NEDD4: variants seen among roughly 807,000 people sequenced by gnomAD.
The protein encoded by NEDD4 is E3 ubiquitin-protein ligase NEDD4.
NEDD4 carries 99 observed loss-of-function variants against 144.9 expected under a neutral mutation model. That is an observed-to-expected ratio of 0.68 (90% CI 0.58 to 0.81). The LOEUF (loss-of-function observed/expected upper bound fraction) is 0.81. Among genes scored for constraint, NEDD4 ranks in the 30% least tolerant of loss-of-function variants. NEDD4 has a pLI of 0.00. For synonymous variants in NEDD4, 318 were observed against 350.6 expected (o/e 0.91, Z 1.04); for missense variants, 985 against 1,065.9 (o/e 0.92, Z 1.06).
chr15:55,905,036 G>A (rs1417849315), intron 5 of NEDD4, among the ~76,000 whole-genome samples: 2 of 150,566 alleles, frequency 1.3e-5, no homozygotes. Flanking sequence ...AGGCTGCAGT[G>A]AGCCGAGATC....
At chr15:55,969,017 A>G (rs2037563573) in intron 1 of NEDD4, among the ~76,000 whole-genome samples, 1 of 152,188 alleles carries the variant, frequency 6.6e-6, no homozygotes, top group South Asian at 2.1e-4. Flanking sequence ...CGTATCAAGG[A>G]AAGAGGCACT....
chr15:55,862,314 G>T (rs927213350), intron 9 of NEDD4, among the ~76,000 whole-genome samples: 13 of 152,046 alleles, frequency 8.6e-5, no homozygotes, highest in Admixed American at 4.6e-4. Flanking sequence ...AATGGAAGGG[G>T]ATTTGAGAAT....
intron 4 of NEDD4, among the ~76,000 whole-genome samples, chr15:55,938,800 C>A (rs1479195821): frequency 6.6e-6 from 1 of 151,694 alleles, no homozygotes; most frequent in Non-Finnish European, 1.5e-5. Context: ...TCAACAACAA[C>A]AACAATAACA....
chr15:55,906,567 G>A (rs1458902806), intron 5 of NEDD4, among the ~76,000 whole-genome samples: 2 of 151,358 alleles, frequency 1.3e-5, no homozygotes, highest in African/African-American at 2.4e-5. Flanking sequence ...TCACTCATAG[G>A]TGGGAACTGA....
intron 5 of NEDD4, among the ~76,000 whole-genome samples, chr15:55,890,188 TA>T (rs1393134321): frequency 2.6e-5 from 4 of 152,198 alleles, no homozygotes; most frequent in South Asian, 2.1e-4. Flanking sequence ...AAATTAAAAA[TA>T]AAAAAAGCTT....
intron 2 of NEDD4, among the ~76,000 whole-genome samples, chr15:55,954,460 C>A (rs1340635471): frequency 6.6e-6 from 1 of 152,068 alleles, no homozygotes; most frequent in East Asian, 1.9e-4. Context: ...ATGTATCTAT[C>A]CCTAATCTCA....
chr15:55,893,212 A>C (rs1168338787), intron 5 of NEDD4, among the ~76,000 whole-genome samples: 1 of 152,120 alleles, frequency 6.6e-6, no homozygotes, highest in Non-Finnish European at 1.5e-5. Context: ...TTGTATTAGT[A>C]TCTTAATCAT....
intron 12 of NEDD4, 145 bp downstream of exon 12, chr15:55,855,986 T>C (rs2034177979): frequency 4.6e-6 from 3 of 648,692 alleles, no homozygotes; most frequent in Non-Finnish European, 8.0e-6. Context: ...TTTAAGCCCC[T>C]TCCCTGAACA....
chr15:55,908,168 G>T (rs2036160924), intron 5 of NEDD4, among the ~76,000 whole-genome samples: 1 of 152,022 alleles, frequency 6.6e-6, no homozygotes, highest in African/African-American at 2.4e-5. Context: ...CATTCCAAAG[G>T]GTCCCTGGCT....
chr15:55,894,436 G>T (rs1368968343), intron 5 of NEDD4, among the ~76,000 whole-genome samples: 3 of 151,986 alleles, frequency 2.0e-5, no homozygotes, highest in African/African-American at 7.2e-5. Context: ...GTGTCTGTGG[G>T]GTCCTGGAAC....
intron 5 of NEDD4, chr15:55,916,124 A>G (rs1237676890): frequency 1.9e-6 from 3 of 1,614,002 alleles, no homozygotes; most frequent in East Asian, 2.2e-5. Context: ...CATCCTGGAC[A>G]AAAGGATCTG....
At chr15:55,973,229 T>G (rs2142341643) in intron 1 of NEDD4, among the ~76,000 whole-genome samples, 2 of 152,314 alleles carry the variant, frequency 1.3e-5, no homozygotes, top group Admixed American at 1.3e-4. Flanking sequence ...AACCACATGT[T>G]AGCCACAAAA....
intron 5 of NEDD4, among the ~76,000 whole-genome samples, chr15:55,909,311 G>C (rs547375305): frequency 6.6e-6 from 1 of 152,220 alleles, no homozygotes; most frequent in Non-Finnish European, 1.5e-5. Flanking sequence ...TTCAATCTTA[G>C]TGTGGGTAAA....
chr15:55,926,506 A>C (rs2036668080), intron 4 of NEDD4, among the ~76,000 whole-genome samples: 2 of 152,290 alleles, frequency 1.3e-5, no homozygotes, highest in South Asian at 4.1e-4. Flanking sequence ...GTGCTGGTTC[A>C]CACCTGTCAT....
chr15:55,990,970 C>G (rs1403726066), intron 1 of NEDD4, among the ~76,000 whole-genome samples: 1 of 152,178 alleles, frequency 6.6e-6, no homozygotes, highest in African/African-American at 2.4e-5. Context: ...GGAAGAAGAG[C>G]CAAAACTCAC....
At chr15:55,884,528 G>T (rs2035318528) in intron 5 of NEDD4, among the ~76,000 whole-genome samples, 1 of 151,908 alleles carries the variant, frequency 6.6e-6, no homozygotes, top group Non-Finnish European at 1.5e-5. Flanking sequence ...GTTGTTTTGA[G>T]GAAACTCAAT....
intron 5 of NEDD4, among the ~76,000 whole-genome samples, chr15:55,900,171 G>A (rs1314406503): frequency 6.6e-6 from 1 of 152,052 alleles, no homozygotes; most frequent in African/African-American, 2.4e-5. Context: ...AGGAAAGGAG[G>A]AGGAACCAGA....
At chr15:55,915,340 T>G in intron 5 of NEDD4, 1 of 1,611,134 alleles carries the variant, frequency 6.2e-7, no homozygotes, top group South Asian at 1.1e-5. Context: ...CTTGATAAAT[T>G]ATCCACTTTA....
chr15:55,915,770 A>G (rs755463962), intron 5 of NEDD4: 42 of 1,613,552 alleles, frequency 2.6e-5, no homozygotes, highest in Non-Finnish European at 3.5e-5. Context: ...TCGAAAGAAC[A>G]ATTTTCTTCT....
Sources: gnomAD v4.1 joint callset for allele counts (sites outside exome capture counted in the v4.1 genomes callset) on GRCh38, gnomAD v4.1.1 for gene constraint, MANE v1.5 for transcripts, NCBI Gene and HGNC (gene_info 2026-07-23, HGNC 2026-07-21) for gene names.